Variants in IQCJ observed in about 807,000 individuals in gnomAD.
IQCJ encodes IQ motif containing J, also known as IQ domain-containing protein J.
IQCJ carries 9 observed loss-of-function variants against 11.0 expected under a neutral mutation model. The observed-to-expected ratio is 0.82, with a 90% CI of 0.49 to 1.43. The LOEUF (loss-of-function observed/expected upper bound fraction) is 1.43, where lower values mean the gene tolerates loss of function less well. Ranked by LOEUF, IQCJ falls within the 40% of genes most tolerant of loss-of-function variation. IQCJ has a pLI of 0.00. For synonymous variants in IQCJ, 55 were observed against 51.3 expected, an observed-to-expected ratio of 1.07 and a Z score of -0.31; for missense variants, 146 against 133.2, an observed-to-expected ratio of 1.10 and a Z score of -0.47.
chr3:159,132,761 GT>G (rs1347666298), intron 1 of IQCJ, among the ~76,000 whole-genome samples: 2 of 152,130 alleles, frequency 1.3e-5, no homozygotes, highest in Non-Finnish European at 2.9e-5. Context: ...CATAATCTAA[GT>G]GTTGCTATTG....
Position 159,263,719 on chromosome 3 carries a change from G to A in IQCJ, c.*988G>A. On this transcript the variant is annotated 3_prime_UTR_variant, in exon 4 of 4. Coordinates refer to ENST00000397832, the MANE Select transcript of IQCJ (RefSeq NM_001042706.3). ...AGTTACTGTATTTGAAATGTTTTCA[G>A]ATGGTTGCATTGCATATTCTTCAAT... 1 of 984,990 alleles carries A rather than the reference G, an allele frequency of 1.0e-6. No individual in the cohort carries two copies. Among genetic ancestry groups the A allele is most frequent in the Non-Finnish European group, 1.2e-6 (1 of 829,536 alleles). The allele number at this position is 984,990 out of a possible 1,614,324, so 61.0% of individuals were successfully genotyped here. A position where few individuals can be genotyped will look rare whatever the true frequency, so the allele number is the denominator to read the frequency against.
intron 1 of IQCJ, among the ~76,000 whole-genome samples, chr3:159,239,324 G>A (rs1173283773): frequency 2.0e-5 from 3 of 152,136 alleles, no homozygotes; most frequent in Non-Finnish European, 2.9e-5. Context: ...CTAGAATGTG[G>A]ATAGTCAGAT....
intron 1 of IQCJ, among the ~76,000 whole-genome samples, chr3:159,174,199 G>A (rs1001413870): frequency 9.2e-5 from 14 of 151,618 alleles, no homozygotes; most frequent in Admixed American, 5.9e-4. Context: ...TGTTTCATAC[G>A]CTCCTATGCT....
chr3:159,264,089 A>G (rs1044841509), downstream of IQCJ, among the ~76,000 whole-genome samples: 5 of 152,206 alleles, frequency 3.3e-5, no homozygotes, highest in South Asian at 6.2e-4. Flanking sequence ...TTTTATTTGA[A>G]TGATGGAAAC....
intron 1 of IQCJ, among the ~76,000 whole-genome samples, chr3:159,086,497 T>G (rs1363887723): frequency 6.6e-6 from 1 of 152,214 alleles, no homozygotes; most frequent in Non-Finnish European, 1.5e-5. Flanking sequence ...AATGTGTAAA[T>G]TACCTTGGGC....
chr3:159,199,272 AGAG>A (rs1724174382), intron 1 of IQCJ, among the ~76,000 whole-genome samples: 1 of 152,224 alleles, frequency 6.6e-6, no homozygotes, highest in South Asian at 2.1e-4. Context: ...TAAAGGAGTC[AGAG>A]AAGATGTAAT....
chr3:159,168,097 G>C (rs1722279474), intron 1 of IQCJ, among the ~76,000 whole-genome samples: 1 of 152,136 alleles, frequency 6.6e-6, no homozygotes, highest in African/African-American at 2.4e-5. Context: ...TGGTGAGAGG[G>C]CACTGATGGT....
chr3:159,161,357 G>A (rs191562611), intron 1 of IQCJ, among the ~76,000 whole-genome samples: 3 of 152,104 alleles, frequency 2.0e-5, no homozygotes, highest in Non-Finnish European at 1.5e-5. Context: ...CATGTCCTTT[G>A]CCCACTTTTT....
At position 159,218,387 on chromosome 3, in the gene IQCJ, CAT is replaced by C. The variant is rs1425870278; in HGVS notation, c.10-27453_10-27452del. Reference sequence around the variant, plus strand: ...TGTGTGTGTATAAGAGAAAAAGAAACATATCAGAAGTTCAAACATACAGATAG... The same window carrying C: ...TGTGTGTGTATAAGAGAAAAAGAAACATCAGAAGTTCAAACATACAGATAG... On this transcript the variant is annotated intron_variant, in intron 1 of 3. Coordinates refer to ENST00000397832, the MANE Select transcript of IQCJ (RefSeq NM_001042706.3). Among the ~76,000 whole-genome samples, 16 of 150,694 alleles carry C rather than the reference CAT, an allele frequency of 1.1e-4. No homozygotes were observed. The South Asian group carries it at 3.2e-3, about 30-fold the overall frequency.
chr3:159,244,153 G>A (rs937565808), intron 1 of IQCJ, among the ~76,000 whole-genome samples: 4 of 152,170 alleles, frequency 2.6e-5, no homozygotes, highest in South Asian at 4.1e-4. Context: ...TGGAACTGTC[G>A]AGTAGGCAGG....
downstream of IQCJ, chr3:159,265,561 C>A: frequency 3.5e-6 from 2 of 566,272 alleles, no homozygotes; most frequent in Non-Finnish European, 6.1e-6. Flanking sequence ...TGAGCTGTGT[C>A]CCTGGGGAGT....
chr3:159,161,647 G>A (rs1206608023), intron 1 of IQCJ, among the ~76,000 whole-genome samples: 3 of 152,234 alleles, frequency 2.0e-5, no homozygotes, highest in African/African-American at 4.8e-5. Flanking sequence ...TTTCTTCTAG[G>A]GTTTTTATGG....
chr3:159,209,144 C>T (rs531761396), intron 1 of IQCJ, among the ~76,000 whole-genome samples: 2 of 152,240 alleles, frequency 1.3e-5, no homozygotes, highest in South Asian at 2.1e-4. Flanking sequence ...CCCATAAAAA[C>T]CCCAAACTCC....
intron 2 of IQCJ, among the ~76,000 whole-genome samples, chr3:159,250,533 C>A (rs1204041455): frequency 6.6e-6 from 1 of 152,154 alleles, no homozygotes; most frequent in Non-Finnish European, 1.5e-5. Flanking sequence ...AATTAACTCA[C>A]ATTTCCACAT....
rs532502012 is a variant in IQCJ, at chr3:159,120,607, A to G, written c.9+51166A>G. 5.9e-5 allele frequency among the ~76,000 whole-genome samples: 9 copies of G among 152,324 alleles called. No homozygotes were observed. The East Asian group carries it at 1.7e-3, about 29-fold the overall frequency. On this transcript the variant is annotated intron_variant, in intron 1 of 3. Coordinates refer to ENST00000397832, the MANE Select transcript of IQCJ (RefSeq NM_001042706.3). ...ATATAGCATCCTTTCTGCCACATAA[A>G]TCAATGCTGTACTGAAGAAGAGACT... is the stretch of plus-strand genomic sequence containing the variant.
chr3:159,111,294 A>C (rs908323681), intron 1 of IQCJ, among the ~76,000 whole-genome samples: 4 of 152,238 alleles, frequency 2.6e-5, no homozygotes, highest in African/African-American at 7.2e-5. Flanking sequence ...ATACAAAACT[A>C]TCCAGTAAAA....
At chr3:159,224,926 C>T (rs1725762377) in intron 1 of IQCJ, among the ~76,000 whole-genome samples, 1 of 152,026 alleles carries the variant, frequency 6.6e-6, no homozygotes, top group African/African-American at 2.4e-5. Flanking sequence ...GAGATTAACC[C>T]ATGTATTGCT....
chr3:159,178,418 G>A (rs1722908252), intron 1 of IQCJ, among the ~76,000 whole-genome samples: 2 of 152,192 alleles, frequency 1.3e-5, no homozygotes, highest in Non-Finnish European at 2.9e-5. Context: ...TGAAGGCATT[G>A]CAGTCCTTCG....
chr3:159,076,135 A>G lies in IQCJ; in HGVS notation c.9+6694A>G, dbSNP rs575287224. ...TGAATTTCTCACTGAGCTTAAAAAT[A>G]TGTTGCTACCATATTCTAGTGATGT... On this transcript the variant is annotated intron_variant, in intron 1 of 3. Transcript: ENST00000397832. 3.3e-5 allele frequency among the ~76,000 whole-genome samples: 5 copies of G among 152,218 alleles called. No homozygotes were observed. In the South Asian group the frequency reaches 8.3e-4, roughly 25 times the overall value.
Sources: gnomAD v4.1 joint callset for allele counts (sites outside exome capture counted in the v4.1 genomes callset) on GRCh38, gnomAD v4.1.1 for gene constraint, MANE v1.5 for transcripts, NCBI Gene and HGNC (gene_info 2026-07-23, HGNC 2026-07-21) for gene names.